Variants in PEMT observed in about 807,000 individuals in gnomAD.
PEMT encodes the protein phosphatidylethanolamine N-methyltransferase, also known as phospholipid methyltransferase.
PEMT carries 23 observed loss-of-function variants against 27.4 expected under a neutral mutation model. That is an observed-to-expected ratio of 0.84 (90% confidence interval 0.60 to 1.19). PEMT has a LOEUF of 1.19. PEMT is among the 50% of genes most tolerant of loss of function. The pLI is 0.00. For synonymous variants in PEMT, 137 were observed against 139.1 expected, an observed-to-expected ratio of 0.98 and a Z score of 0.11; for missense variants, 307 against 310.1, an observed-to-expected ratio of 0.99 and a Z score of 0.07.
At chr17:17,577,161 A>G (rs1911657577) in intron 1 of PEMT, 134 bp from the exon 2 acceptor site, 2 of 680,312 alleles carry the variant, frequency 2.9e-6, no homozygotes, top group East Asian at 5.4e-5. Context: ...AAAGGTTACT[A>G]CAGTGTAGTC....
Position 17,512,713 on chromosome 17 carries a change from G to A in PEMT, c.321-59C>T, listed in dbSNP as rs1204695054. The A allele has an allele frequency of 1.1e-5, 15 of 1,428,022 alleles. No homozygotes were observed. The Admixed American group carries it at 3.8e-4, about 36-fold the overall frequency. The allele number at this position is 1,428,022 out of a possible 1,614,324, so 88.5% of individuals were successfully genotyped here. ...GGCCAGGGAGGATGTCACAGCCCGG[G>A]AGGAGGCCGACCTCATCTTCTCGCC... is the stretch of plus-strand genomic sequence containing the variant. On this transcript the variant is annotated intron_variant, in intron 3 of 6. Transcript: ENST00000255389. This position sits in a 1 kb window ranked among gnomAD's most constrained non-coding sequence, Gnocchi z 6.3.
intron 3 of PEMT, chr17:17,518,260 T>A: frequency 1.6e-6 from 1 of 620,844 alleles, no homozygotes; most frequent in Non-Finnish European, 2.0e-6. Flanking sequence ...TGAAGCCCGT[T>A]CGAGCCCTGC....
intron 2 of PEMT, among the ~76,000 whole-genome samples, chr17:17,558,895 T>G (rs73978975): frequency 0.023 from 3,534 of 152,156 alleles, 122 homozygotes; most frequent in East Asian, 0.1. Context: ...ACCAGGGTCC[T>G]AAGAGAAGCA....
intron 2 of PEMT, among the ~76,000 whole-genome samples, chr17:17,565,603 C>T (rs1043738644): frequency 3.9e-5 from 6 of 152,234 alleles, no homozygotes; most frequent in Non-Finnish European, 8.8e-5. Context: ...AACTGATGAA[C>T]CCTGGCAGCA....
chr17:17,557,827 C>T (rs958700661), intron 2 of PEMT, among the ~76,000 whole-genome samples: 2 of 152,192 alleles, frequency 1.3e-5, no homozygotes, highest in Non-Finnish European at 2.9e-5. Context: ...CTCCTGGAGC[C>T]CATGGCTGCC....
At chr17:17,552,247 G>A (rs940860804) in intron 2 of PEMT, among the ~76,000 whole-genome samples, 3 of 151,176 alleles carry the variant, frequency 2.0e-5, no homozygotes, top group Non-Finnish European at 4.4e-5. Flanking sequence ...AGGAGGCGGA[G>A]GTGGCAGTGA....
Position 17,513,021 on chromosome 17 carries a change from A to G in PEMT, c.321-367T>C, listed in dbSNP as rs552659665. Among the ~76,000 whole-genome samples, 18 of 152,290 alleles carry G rather than the reference A, an allele frequency of 1.2e-4. No individual in the cohort carries two copies. The highest frequency in any genetic ancestry group is 9.6e-4 in the East Asian group (5 of 5,182). The stretch of plus-strand genomic sequence containing the variant: ...AGCTTGCAAACTCTCATCCTGTCCA[A>G]TGAGCAACTCATACTATGGAGGAAA... On this transcript the variant is annotated intron_variant, in intron 3 of 6. Transcript: ENST00000255389. This position sits in a 1 kb window ranked among gnomAD's most constrained non-coding sequence, Gnocchi z 4.1.
intron 2 of PEMT, among the ~76,000 whole-genome samples, chr17:17,543,453 C>A (rs1909031672): frequency 6.6e-6 from 1 of 152,204 alleles, no homozygotes; most frequent in Non-Finnish European, 1.5e-5. Flanking sequence ...TTGAAGGGGC[C>A]ACGGAAGGCA....
At chr17:17,560,870 C>T (rs1280513946) in intron 2 of PEMT, among the ~76,000 whole-genome samples, 3 of 152,056 alleles carry the variant, frequency 2.0e-5, no homozygotes, top group African/African-American at 4.8e-5. Context: ...TACACGCTGC[C>T]TGAGCTTCCG....
chr17:17,513,898 G>A lies in PEMT; in HGVS notation c.321-1244C>T, dbSNP rs1906603438. On this transcript the variant is annotated intron_variant, in intron 3 of 6. Transcript: ENST00000255389. This position sits in a 1 kb window ranked among gnomAD's most constrained non-coding sequence, Gnocchi z 4.1. ...AATCACAACACAGAAGAGACATGGAGATCTGCTACCTCACGCAGGGCAGCG... is the reference window on the plus strand; with the variant it reads ...AATCACAACACAGAAGAGACATGGAAATCTGCTACCTCACGCAGGGCAGCG... 6.6e-6 allele frequency among the ~76,000 whole-genome samples: 1 copy of A among 152,174 alleles called. No individual in the cohort carries two copies. The highest frequency in any genetic ancestry group is 1.5e-5 in the Non-Finnish European group (1 of 68,034).
chr17:17,523,499 G>T lies in PEMT; in HGVS notation c.205-1104C>A, dbSNP rs2142544714. Among the ~76,000 whole-genome samples the T allele has an allele frequency of 6.6e-6, 1 of 152,326 alleles. No homozygotes were observed. The highest frequency in any genetic ancestry group is 2.1e-4 in the South Asian group (1 of 4,828). Reference sequence around the variant, plus strand: ...GTGGCAGGCTAGGGGGCAGCAGATGGCGGGGGGCAGGGTATGCCAAAGTTT... The same window carrying T: ...GTGGCAGGCTAGGGGGCAGCAGATGTCGGGGGGCAGGGTATGCCAAAGTTT... On this transcript the variant is annotated intron_variant, in intron 2 of 6. Coordinates refer to ENST00000255389, the MANE Select transcript of PEMT (RefSeq NM_148172.3). This position sits in a 1 kb window ranked among gnomAD's most constrained non-coding sequence, Gnocchi z 4.8.
At chr17:17,583,122 T>C (rs953511352) in intron 1 of PEMT, among the ~76,000 whole-genome samples, 14 of 150,194 alleles carry the variant, frequency 9.3e-5, no homozygotes, top group Admixed American at 9.3e-4. Context: ...ACGCCTGTAA[T>C]CCCAGCATTC....
intron 5 of PEMT, chr17:17,507,466 C>T (rs548290496): frequency 3.9e-6 from 2 of 508,688 alleles, no homozygotes; most frequent in Non-Finnish European, 7.1e-6. Flanking sequence ...GGACCTCACA[C>T]TGGTCTGCCT....
At chr17:17,508,764 G>A in intron 5 of PEMT, 3 of 468,260 alleles carry the variant, frequency 6.4e-6, no homozygotes, top group South Asian at 4.7e-5. Context: ...GTACCTGGCT[G>A]AGGCCGACAG....
intron 3 of PEMT, chr17:17,518,125 A>C (rs2142529937): frequency 1.0e-6 from 1 of 985,446 alleles, no homozygotes; most frequent in Non-Finnish European, 1.2e-6. Context: ...GGCAATTCCG[A>C]TGTGCGCTGG....
intron 2 of PEMT, among the ~76,000 whole-genome samples, chr17:17,555,779 G>A (rs535119920): frequency 6.6e-6 from 1 of 152,134 alleles, no homozygotes; most frequent in African/African-American, 2.4e-5. Context: ...GCAAATGCTC[G>A]CCCTCTGGGG....
At position 17,577,005 on chromosome 17, in the gene PEMT, C is replaced by T. The variant is rs767735937; in HGVS notation, c.119G>A (p.Arg40Gln). ...FRQADFCVMT[R>Q]LLGYVDPLDP... is the part of the protein sequence containing the mutation. ...CAGGGGGTCCACGTAGCCCAGCAGCCGGGTCATAACGCAGAAGTCTGCCTG... is the reference window on the plus strand; with the variant it reads ...CAGGGGGTCCACGTAGCCCAGCAGCTGGGTCATAACGCAGAAGTCTGCCTG... The change falls in exon 2 of 7, where the codon CGG becomes CAG. Residue 40 changes from arginine to glutamine, a missense_variant. Arg to Gln is a conservative substitution (Grantham distance 43). Transcript: ENST00000255389. The T allele has an allele frequency of 4.5e-5, 72 of 1,613,750 alleles. No individual in the cohort carries two copies. The Admixed American group carries it at 9.5e-4, about 21-fold the overall frequency.
At chr17:17,540,728 G>A (rs1163791094) in intron 2 of PEMT, among the ~76,000 whole-genome samples, 4 of 152,168 alleles carry the variant, frequency 2.6e-5, no homozygotes, top group East Asian at 3.9e-4. Flanking sequence ...TCAGAGGGTC[G>A]TGCAGCATGC....
At chr17:17,509,040 T>C (rs1906133482) in intron 5 of PEMT, among the ~76,000 whole-genome samples, 1 of 152,274 alleles carries the variant, frequency 6.6e-6, no homozygotes, top group African/African-American at 2.4e-5. Context: ...TCAAAAAGAA[T>C]GTTTCATGAC....
Sources: gnomAD v4.1 joint callset for allele counts (sites outside exome capture counted in the v4.1 genomes callset) on GRCh38, gnomAD v4.1.1 for gene constraint, Gnocchi (gnomAD v3.1) non-coding constraint, MANE v1.5 for transcripts, NCBI Gene and HGNC (gene_info 2026-07-23, HGNC 2026-07-21) for gene names.